Variants in PDE8B observed in about 807,000 individuals in gnomAD.
PDE8B encodes the protein phosphodiesterase 8B, also known as high affinity cAMP-specific and IBMX-insensitive 3',5'-cyclic phosphodiesterase 8B.
Under a neutral mutation model 101.3 loss-of-function variants are expected in PDE8B, and 26 were observed. That is an observed-to-expected ratio of 0.26 (90% CI 0.19 to 0.36). The LOEUF (loss-of-function observed/expected upper bound fraction) is 0.36. PDE8B is among the 10% of genes least tolerant of loss of function. PDE8B has a pLI of 1.00. For missense variants in PDE8B, 810 were observed against 1,163.1 expected (o/e 0.70, Z 4.42); for synonymous variants, 424 against 429.3 (o/e 0.99, Z 0.15).
intron 5 of PDE8B, among the ~76,000 whole-genome samples, chr5:77,333,357 C>T (rs1039125109): frequency 5.9e-5 from 9 of 152,176 alleles, no homozygotes; most frequent in Admixed American, 1.3e-4. Flanking sequence ...TCTTTACTCA[C>T]TCATTTTCTA....
At chr5:77,120,466 A>C in the PDE8B span, among the ~76,000 whole-genome samples, 1 of 152,386 alleles carries the variant, frequency 6.6e-6, no homozygotes, top group African/African-American at 2.4e-5. Context: ...AATGATATGC[A>C]TGCTGAAGTG....
chr5:77,142,094 A>C, the PDE8B span: 1 of 152,220 alleles, frequency 6.6e-6, no homozygotes, highest in Non-Finnish European at 1.5e-5. Context: ...TATGTATGTA[A>C]AATTATTACC....
chr5:77,255,839 T>G (rs374265912), intron 1 of PDE8B, among the ~76,000 whole-genome samples: 48 of 152,340 alleles, frequency 3.2e-4, no homozygotes, highest in Middle Eastern at 3.4e-3. Context: ...GGGTGTGTCC[T>G]GGCACAGAGG....
chr5:77,280,352 C>T (rs1189832192), intron 1 of PDE8B, among the ~76,000 whole-genome samples: 4 of 152,172 alleles, frequency 2.6e-5, no homozygotes, highest in Non-Finnish European at 5.9e-5. Flanking sequence ...TGTCCTCCTG[C>T]AGGAGGGTGT....
At chr5:77,356,058 AG>A (rs1782053098) in intron 10 of PDE8B, among the ~76,000 whole-genome samples, 1 of 152,210 alleles carries the variant, frequency 6.6e-6, no homozygotes, top group Admixed American at 6.5e-5. Context: ...GCACAGAAAA[AG>A]GTTGCTGACT....
intron 1 of PDE8B, among the ~76,000 whole-genome samples, chr5:77,234,176 G>T (rs1272338482): frequency 1.3e-5 from 2 of 152,112 alleles, no homozygotes; most frequent in South Asian, 2.1e-4. Context: ...CATTTTCCCA[G>T]TTCCAGAATC....
the PDE8B span, among the ~76,000 whole-genome samples, chr5:77,129,699 T>C: frequency 6.6e-6 from 1 of 152,222 alleles, no homozygotes; most frequent in South Asian, 2.1e-4. Flanking sequence ...TCTCTTTCTG[T>C]TGGAATATCA....
chr5:77,257,117 T>C (rs1229281782), intron 1 of PDE8B, among the ~76,000 whole-genome samples: 2 of 152,100 alleles, frequency 1.3e-5, no homozygotes, highest in African/African-American at 4.8e-5. Context: ...CAGAAATACT[T>C]AGTACATCCA....
chr5:77,269,226 C>T (rs1762309254), intron 1 of PDE8B, among the ~76,000 whole-genome samples: 1 of 152,070 alleles, frequency 6.6e-6, no homozygotes, highest in Non-Finnish European at 1.5e-5. Flanking sequence ...CTCTGGTGAT[C>T]AATGATGTTG....
At position 77,351,123 on chromosome 5, in the gene PDE8B, T is replaced by C; in HGVS notation, c.1076T>C (p.Val359Ala). 2.5e-6 allele frequency: 4 copies of C among 1,613,970 alleles called. No homozygotes were observed. Among genetic ancestry groups the C allele is most frequent in the Non-Finnish European group, 3.4e-6 (4 of 1,179,866 alleles). The change falls in exon 9 of 22, where the codon GTG becomes GCG. Residue 359 changes from valine to alanine, a missense_variant. This residue lies in a region of PDE8B where 251 missense variants were observed against 378.8 expected (regional missense o/e 0.66). Coordinates refer to ENST00000264917, the MANE Select transcript of PDE8B (RefSeq NM_003719.5). ...RKSGDSIQQH[V>A]KITPVIGQGG... ...TCCGGGGACAGCATCCAACAGCACG[T>C]GAAGATCACCCCAGTGATTGGCCAA...
intron 6 of PDE8B, among the ~76,000 whole-genome samples, chr5:77,344,206 A>G (rs1348736322): frequency 6.6e-6 from 1 of 152,258 alleles, no homozygotes; most frequent in Non-Finnish European, 1.5e-5. Flanking sequence ...ATCAAATGTT[A>G]TATACTGTAC....
chr5:77,226,991 A>G (rs1235511768), intron 1 of PDE8B, among the ~76,000 whole-genome samples: 14 of 152,184 alleles, frequency 9.2e-5, no homozygotes, highest in Non-Finnish European at 1.6e-4. Flanking sequence ...TTAAAGTCCT[A>G]TGCGTTTACA....
At chr5:77,158,962 G>A in the PDE8B span, among the ~76,000 whole-genome samples, 1 of 152,220 alleles carries the variant, frequency 6.6e-6, no homozygotes, top group African/African-American at 2.4e-5. Context: ...GAGTCAGGGA[G>A]CCTGAGCATG....
At chr5:77,358,505 C>G (rs1782521013) in intron 10 of PDE8B, 2 of 888,550 alleles carry the variant, frequency 2.3e-6, no homozygotes, top group African/African-American at 1.8e-5. Context: ...CTTCGTACTT[C>G]CTCCTATGTA....
chr5:77,404,766 C>T lies in PDE8B; in HGVS notation c.1257C>T (p.Asp419=), dbSNP rs761268133. 5.0e-6 allele frequency: 8 copies of T among 1,605,956 alleles called. No individual in the cohort carries two copies. Among genetic ancestry groups the T allele is most frequent in the East Asian group, 2.2e-5 (1 of 44,770 alleles). The change falls in exon 12 of 22, where the codon GAC becomes GAT. Residue 419 remains aspartate (D), a synonymous_variant. Coordinates refer to ENST00000264917, the MANE Select transcript of PDE8B (RefSeq NM_003719.5). ...AGAACAGGAGGAAAGAGTCCATTGA[C>T]GTGAAATCGATATCATCTCGAGGCA... ...RYKNRRKESI[D]VKSISSRGSD...
intron 6 of PDE8B, among the ~76,000 whole-genome samples, chr5:77,341,667 G>A (rs1779221896): frequency 6.6e-6 from 1 of 152,184 alleles, no homozygotes; most frequent in Non-Finnish European, 1.5e-5. Flanking sequence ...TGCTGCCCAG[G>A]AAATCCTTCC....
the PDE8B span, chr5:77,146,139 C>T: frequency 3.9e-5 from 6 of 152,306 alleles, no homozygotes; most frequent in East Asian, 3.9e-4. Flanking sequence ...AGAGGAACTA[C>T]GCTCAAGGAG....
chr5:77,195,786 T>C, the PDE8B span, among the ~76,000 whole-genome samples: 88 of 152,162 alleles, frequency 5.8e-4, no homozygotes, highest in Non-Finnish European at 9.8e-4. Flanking sequence ...AGGGAAAATA[T>C]ATTTACTATT....
At chr5:77,318,814 G>A (rs914291250) in intron 2 of PDE8B, among the ~76,000 whole-genome samples, 11 of 152,162 alleles carry the variant, frequency 7.2e-5, no homozygotes, top group Non-Finnish European at 1.6e-4. Flanking sequence ...ATTACCAGGT[G>A]TTTGCTTAAA....
Sources: allele counts gnomAD v4.1 joint callset (sites outside exome capture counted in the v4.1 genomes callset), GRCh38; gene constraint gnomAD v4.1.1; regional missense constraint gnomAD v4.1.1; transcripts MANE v1.5; gene names NCBI Gene and HGNC (gene_info 2026-07-23, HGNC 2026-07-21).